Variants in TOP1 observed in about 807,000 individuals in gnomAD.
The protein encoded by TOP1 is DNA topoisomerase I, also known as DNA topoisomerase 1.
A neutral mutation model predicts 111.1 loss-of-function variants in TOP1; 10 were observed. The observed-to-expected ratio is 0.09, with a 90% confidence interval of 0.06 to 0.15. TOP1 has a LOEUF of 0.15. Ranked by LOEUF, TOP1 falls within the 10% of genes least tolerant of loss-of-function variation. TOP1 has a pLI of 1.00. For synonymous variants in TOP1, 271 were observed against 302.9 expected, an observed-to-expected ratio of 0.89 and a Z score of 1.10; for missense variants, 474 against 926.7, an observed-to-expected ratio of 0.51 and a Z score of 6.34.
chr20:41,035,706 A>G (rs1412695532), intron 2 of TOP1, among the ~76,000 whole-genome samples: 1 of 152,184 alleles, frequency 6.6e-6, no homozygotes, highest in Non-Finnish European at 1.5e-5. Flanking sequence ...GAGTTTATAG[A>G]AAAAAAGTTC....
At chr20:41,068,362 T>C (rs1350999016) in intron 3 of TOP1, among the ~76,000 whole-genome samples, 3 of 152,220 alleles carry the variant, frequency 2.0e-5, no homozygotes, top group Non-Finnish European at 4.4e-5. Context: ...CACTTATCTC[T>C]TGACACTGCT....
rs1243959844 is a variant in TOP1 at position 41,109,469 on chromosome 20, A to C, written c.1309-3313A>C. On this transcript the variant is annotated intron_variant, in intron 13 of 20. Transcript: ENST00000361337. The surrounding 1 kb of genome is among the most constrained non-coding windows in gnomAD (Gnocchi z 4.1). ...AGAAACAATTGACTAAATGGACTTC[A>C]TTAAAATTAAAAATTTATGTTCAAC... 6.6e-6 allele frequency among the ~76,000 whole-genome samples: 1 copy of C among 152,206 alleles called. No individual in the cohort carries two copies. Among genetic ancestry groups the C allele is most frequent in the African/African-American group, 2.4e-5 (1 of 41,460 alleles).
chr20:41,066,173 GGAAA>G (rs1245648988), intron 3 of TOP1, among the ~76,000 whole-genome samples: 14 of 151,698 alleles, frequency 9.2e-5, no homozygotes, highest in African/African-American at 3.4e-4. Flanking sequence ...TGTTTTGGGA[GGAAA>G]GATACAGTAA....
At position 41,118,414 on chromosome 20, in the gene TOP1, C is replaced by A; in HGVS notation, c.1950+118C>A. 1.7e-6 allele frequency: 2 copies of A among 1,172,912 alleles called. No homozygotes were observed. The highest frequency in any genetic ancestry group is 2.4e-6 in the Non-Finnish European group (2 of 829,422). 72.7% of individuals were successfully genotyped at this position (1,172,912 alleles called of 1,614,324 possible). A position where few individuals can be genotyped will look rare whatever the true frequency, so the allele number is the denominator to read the frequency against. On this transcript the variant is annotated intron_variant, in intron 18 of 20. Transcript: ENST00000361337. The surrounding 1 kb of genome is among the most constrained non-coding windows in gnomAD (Gnocchi z 4.6). ...CTGGGTCTGTTGTAGAAGGTCTATGCTAAAGATAAACAAATGGAAATATGA... is the reference window on the plus strand; with the variant it reads ...CTGGGTCTGTTGTAGAAGGTCTATGATAAAGATAAACAAATGGAAATATGA...
At chr20:41,086,262 CAAAA>C (rs561307231) in intron 8 of TOP1, among the ~76,000 whole-genome samples, 1 of 93,502 alleles carries the variant, frequency 1.1e-5, no homozygotes. Context: ...GACTCTGTCT[CAAAA>C]AAAAAAAAAA....
rs2033268474 is a variant in TOP1 at position 41,041,780 on chromosome 20, TG to T, written c.58+12327del. On this transcript the variant is annotated intron_variant, in intron 2 of 20. Transcript: ENST00000361337. ...AATGCAGGTGACCCATAACCTCCTTTGGAGAAGTTGATCTATCTGAACTTTA... is the reference window on the plus strand; with the variant it reads ...AATGCAGGTGACCCATAACCTCCTTTGAGAAGTTGATCTATCTGAACTTTA... 4.6e-5 allele frequency among the ~76,000 whole-genome samples: 7 copies of T among 152,328 alleles called. No homozygotes were observed. The South Asian group carries it at 1.2e-3, about 27-fold the overall frequency.
intron 8 of TOP1, among the ~76,000 whole-genome samples, chr20:41,084,778 CCACTGTGAA>C (rs1025328757): frequency 2.6e-5 from 4 of 152,114 alleles, no homozygotes; most frequent in African/African-American, 9.7e-5. Context: ...CTGGTTTCCA[CCACTGTGAA>C]CAGAATGGAC....
In TOP1 at chr20:41,120,984, G is replaced by A. The variant is rs374636864; in HGVS notation, c.1951-712G>A. 1.1e-3 allele frequency among the ~76,000 whole-genome samples: 172 copies of A among 152,254 alleles called. 3 individuals carry two copies. The South Asian group carries it at 0.035, about 31-fold the overall frequency. ...TCTTGATCTCCTGACCTTGTGATCC[G>A]CCCTCCTCAGCCTCCCCAAAGTGCT... On this transcript the variant is annotated intron_variant, in intron 18 of 20. Transcript: ENST00000361337.
In TOP1 at chr20:41,029,286, G is replaced by T; in HGVS notation, c.34-145G>T. The T allele has an allele frequency of 2.5e-6, 2 of 798,988 alleles. No homozygotes were observed. The highest frequency in any genetic ancestry group is 3.7e-6 in the Non-Finnish European group (2 of 545,544). The allele number at this position is 798,988 out of a possible 1,614,324, so 49.5% of individuals were successfully genotyped here. ...CGAGGGCCGCGAAGTTACAGTTCGA[G>T]GCAGGGATGGCTGCCCTCTGTGGCC... On this transcript the variant is annotated intron_variant, in intron 1 of 20. Transcript: ENST00000361337. The surrounding 1 kb of genome is among the most constrained non-coding windows in gnomAD (Gnocchi z 6.1).
chr20:41,032,220 C>T lies in TOP1; in HGVS notation c.58+2765C>T. Among the ~76,000 whole-genome samples the T allele has an allele frequency of 6.6e-6, 1 of 152,076 alleles. No individual in the cohort carries two copies. The highest frequency in any genetic ancestry group is 1.9e-4 in the East Asian group (1 of 5,202). ...GTCTCTCATTTTGCCTGCCCTCATC[C>T]CCTAAGATATAAAAGATTCCCCCCC... On this transcript the variant is annotated intron_variant, in intron 2 of 20. Coordinates refer to ENST00000361337, the MANE Select transcript of TOP1 (RefSeq NM_003286.4). The surrounding 1 kb of genome is among the most constrained non-coding windows in gnomAD (Gnocchi z 4.3).
chr20:41,098,177 GT>G lies in TOP1; in HGVS notation c.853-36del. 1 of 1,609,118 alleles carries G rather than the reference GT, an allele frequency of 6.2e-7. No individual in the cohort carries two copies. Among genetic ancestry groups the G allele is most frequent in the South Asian group, 1.1e-5 (1 of 90,928 alleles). ...CCCAAGGACTTATTAGTGTATTTTC[GT>G]TGTTTTTCTTTCATCTCCCCATTTT... On this transcript the variant is annotated intron_variant, in intron 10 of 20. Transcript: ENST00000361337. This position sits in a 1 kb window ranked among gnomAD's most constrained non-coding sequence, Gnocchi z 5.7.
chr20:41,050,961 A>G (rs1439584097), intron 2 of TOP1, among the ~76,000 whole-genome samples: 1 of 152,206 alleles, frequency 6.6e-6, no homozygotes, highest in Non-Finnish European at 1.5e-5. Context: ...GAGGAAGTAG[A>G]AGATGTAAGG....
In TOP1 at chr20:41,030,957, C is replaced by T. The variant is rs2033111438; in HGVS notation, c.58+1502C>T. The stretch of plus-strand genomic sequence containing the variant: ...TGTAACCATAACACTCCCTTGCTCT[C>T]AATTCAGTCTATTGGGGGAGACATA... On this transcript the variant is annotated intron_variant, in intron 2 of 20. Coordinates refer to ENST00000361337, the MANE Select transcript of TOP1 (RefSeq NM_003286.4). This position sits in a 1 kb window ranked among gnomAD's most constrained non-coding sequence, Gnocchi z 4.1. 6.6e-6 allele frequency among the ~76,000 whole-genome samples: 1 copy of T among 152,182 alleles called. No homozygotes were observed. The highest frequency in any genetic ancestry group is 1.5e-5 in the Non-Finnish European group (1 of 68,048).
intron 3 of TOP1, chr20:41,073,426 C>A: frequency 1.0e-6 from 1 of 984,436 alleles, no homozygotes; most frequent in Non-Finnish European, 1.2e-6. Flanking sequence ...CAAGCAACCC[C>A]AAAGGTTTTT....
Position 41,101,026 on chromosome 20 carries a change from A to C in TOP1, c.1164-183A>C. On this transcript the variant is annotated intron_variant, in intron 12 of 20. Coordinates refer to ENST00000361337, the MANE Select transcript of TOP1 (RefSeq NM_003286.4). The surrounding 1 kb of genome is among the most constrained non-coding windows in gnomAD (Gnocchi z 4.1). ...TGTTTATTTCTGGAATTTTGTATTGAATATTTTCGGATGACAGTTGGCTGA... is the reference window on the plus strand; with the variant it reads ...TGTTTATTTCTGGAATTTTGTATTGCATATTTTCGGATGACAGTTGGCTGA... The C allele has an allele frequency of 1.7e-6, 1 of 590,426 alleles. No individual in the cohort carries two copies. The highest frequency in any genetic ancestry group is 2.8e-5 in the East Asian group (1 of 35,940). The allele number at this position is 590,426 out of a possible 1,614,324, so 36.6% of individuals were successfully genotyped here. A position where few individuals can be genotyped will look rare whatever the true frequency, so the allele number is the denominator to read the frequency against.
chr20:41,055,328 A>C (rs551983949), intron 2 of TOP1, among the ~76,000 whole-genome samples: 1 of 152,230 alleles, frequency 6.6e-6, no homozygotes, highest in African/African-American at 2.4e-5. Flanking sequence ...TCCTTCCTCT[A>C]AAACATTTTA....
intron 13 of TOP1, among the ~76,000 whole-genome samples, chr20:41,105,672 A>G (rs2034134283): frequency 6.6e-6 from 1 of 151,970 alleles, no homozygotes; most frequent in Admixed American, 6.6e-5. Flanking sequence ...TAATTTTTGT[A>G]TTTTTAATAG....
intron 3 of TOP1, chr20:41,072,348 C>T (rs967967834): frequency 1.0e-6 from 1 of 985,248 alleles, no homozygotes; most frequent in Non-Finnish European, 1.2e-6. Flanking sequence ...TCAGAATTTC[C>T]ATCATTTCAC....
intron 8 of TOP1, among the ~76,000 whole-genome samples, chr20:41,090,127 C>T (rs1483645118): frequency 6.6e-6 from 1 of 152,018 alleles, no homozygotes; most frequent in Non-Finnish European, 1.5e-5. Context: ...GCGTGCACCA[C>T]CACGCCTGGC....
Sources: allele counts gnomAD v4.1 joint callset (sites outside exome capture counted in the v4.1 genomes callset), GRCh38; gene constraint gnomAD v4.1.1; non-coding constraint Gnocchi (gnomAD v3.1); transcripts MANE v1.5; gene names NCBI Gene and HGNC (gene_info 2026-07-23, HGNC 2026-07-21).